The following NBPF14 variants were observed in gnomAD, a reference collection of about 807,000 sequenced individuals.
NBPF14 encodes NBPF family member NBPF14.
NBPF14 carries 104 observed loss-of-function variants against 91.2 expected under a neutral mutation model. The observed-to-expected ratio is 1.14, with a 90% CI of 0.97 to 1.34. The LOEUF is 1.34. Ranked by LOEUF, NBPF14 falls within the 40% of genes most tolerant of loss-of-function variation. The pLI is 0.00. For missense variants in NBPF14, 908 were observed against 783.0 expected (o/e 1.16, Z -1.91); for synonymous variants, 294 against 303.8 (o/e 0.97, Z 0.34).
chr1:148,566,593 A>G (rs1467732381), intron 28 of NBPF14, among the ~76,000 whole-genome samples: 1 of 142,574 alleles, frequency 7.0e-6, no homozygotes, highest in East Asian at 2.2e-4. Flanking sequence ...CAGGTGACAC[A>G]CTGATGAGGG....
rs1170223898 is a variant in NBPF14, at chr1:148,566,508, GACACAC to G, written c.3543-199_3543-194del. Among the ~76,000 whole-genome samples the G allele has an allele frequency of 2.0e-3, 243 of 122,080 alleles. 18 individuals carry two copies. Among genetic ancestry groups the G allele is most frequent in the African/African-American group, 4.3e-3 (145 of 33,510 alleles). The allele number at this position is 122,080 out of a possible 152,430, so 80.1% of individuals were successfully genotyped here. A position where few individuals can be genotyped will look rare whatever the true frequency, so the allele number is the denominator to read the frequency against. ...TGGAAAAGAATGAAAGAGAAAGACA[GACACAC>G]ACACACACACACACACACACACACA... On this transcript the variant is annotated intron_variant, in intron 28 of 70. Coordinates refer to ENST00000619423, the Ensembl canonical transcript of NBPF14.
chr1:148,557,059 GACAC>G (rs1227105845), intron 40 of NBPF14, among the ~76,000 whole-genome samples, 197 bp from the exon 41 acceptor site: 17 of 118,606 alleles, frequency 1.4e-4, no homozygotes, highest in African/African-American at 1.7e-4. Flanking sequence ...AAGACAGATA[GACAC>G]ACACACACAC....
At chr1:148,593,622 T>G in exon 3 of NBPF14, 3 of 1,547,260 alleles carry the variant, frequency 1.9e-6, no homozygotes, top group Non-Finnish European at 2.7e-6. Context: ...TTGCTTCAGC[T>G]GCTCTGCAAG....
intron 59 of NBPF14, among the ~76,000 whole-genome samples, chr1:148,542,156 A>C (rs1328101400): frequency 9.5e-6 from 1 of 104,876 alleles, no homozygotes; most frequent in Non-Finnish European, 1.7e-5. Flanking sequence ...TCTAGGAGAA[A>C]AACTGCAATA....
chr1:148,534,417 T>A (rs1231197412), intron 69 of NBPF14, among the ~76,000 whole-genome samples: 1 of 151,256 alleles, frequency 6.6e-6, no homozygotes, highest in Non-Finnish European at 1.5e-5. Context: ...TCTGAATTTG[T>A]CACATCTGCC....
rs1232784391 is a variant in NBPF14, at chr1:148,557,640, C to A, written c.4955-98G>T. The A allele has an allele frequency of 3.1e-5, 18 of 587,196 alleles. 3 individuals are homozygous for A. Among genetic ancestry groups the A allele is most frequent in the Non-Finnish European group, 5.3e-5 (18 of 339,932 alleles). 36.4% of individuals were successfully genotyped at this position (587,196 alleles called of 1,614,324 possible). A position where few individuals can be genotyped will look rare whatever the true frequency, so the allele number is the denominator to read the frequency against. On this transcript the variant is annotated intron_variant, in intron 39 of 70. Coordinates refer to ENST00000619423, the Ensembl canonical transcript of NBPF14. ...CCCCACACAGGGATCTCAGGCTCCT[C>A]AGCATGAGAACAGGACCATGTGAGA...
chr1:148,590,947 C>T, exon 6 of NBPF14: 2 of 685,468 alleles, frequency 2.9e-6, no homozygotes, highest in East Asian at 2.5e-5. Context: ...GGACTTTGCT[C>T]TCTTCAGCCT....
At chr1:148,566,546 C>T (rs1190321277) in intron 28 of NBPF14, among the ~76,000 whole-genome samples, 3 of 144,066 alleles carry the variant, frequency 2.1e-5, no homozygotes, top group Admixed American at 6.9e-5. Context: ...CACACAAACA[C>T]ACACACACAC....
rs1347571206 is a variant in NBPF14, at chr1:148,534,575, C to T, written c.8614+109G>A. The T allele has an allele frequency of 5.2e-3, 4,156 of 802,448 alleles. 38 individuals are homozygous for T. The highest frequency in any genetic ancestry group is 7.5e-3 in the Non-Finnish European group (3,378 of 447,668). 49.7% of individuals were successfully genotyped at this position (802,448 alleles called of 1,614,324 possible). A position where few individuals can be genotyped will look rare whatever the true frequency, so the allele number is the denominator to read the frequency against. ...AACCTATATGCGCCCATAGGTCCTG[C>T]CTGCGGCAATGACATCTCTCGGGTG... is the stretch of plus-strand genomic sequence containing the variant. On this transcript the variant is annotated intron_variant, in intron 69 of 70. Coordinates refer to ENST00000619423, the Ensembl canonical transcript of NBPF14.
chr1:148,586,918 T>C (rs1379158164), intron 8 of NBPF14, among the ~76,000 whole-genome samples: 12 of 143,556 alleles, frequency 8.4e-5, no homozygotes, highest in Middle Eastern at 3.4e-3. Context: ...GGAGGCAACA[T>C]TGATTGAGTG....
chr1:148,579,979 A>G (rs1660660842), intron 12 of NBPF14, among the ~76,000 whole-genome samples: 1 of 152,054 alleles, frequency 6.6e-6, no homozygotes, highest in African/African-American at 2.4e-5. Context: ...AGATAAAACC[A>G]CAAAGGTGGG....
intron 12 of NBPF14, among the ~76,000 whole-genome samples, chr1:148,579,781 G>A (rs1660619699): frequency 1.3e-5 from 2 of 152,044 alleles, no homozygotes; most frequent in East Asian, 1.9e-4. Flanking sequence ...GAGAGAATAG[G>A]CAACACCAAG....
intron 3 of NBPF14, among the ~76,000 whole-genome samples, chr1:148,593,123 T>C (rs1375446011): frequency 1.4e-5 from 2 of 147,794 alleles, no homozygotes; most frequent in Non-Finnish European, 1.5e-5. Flanking sequence ...GGCCACTACA[T>C]ACAAAGCCAC....
At chr1:148,592,629 G>C (rs1662696959) in exon 4 of NBPF14, 2 of 1,584,438 alleles carry the variant, frequency 1.3e-6, no homozygotes, top group Admixed American at 1.7e-5. Context: ...CTGCCCCTGG[G>C]ACTTGTCCGG....
At position 148,587,186 on chromosome 1, in the gene NBPF14, G is replaced by A. The variant is rs1366046284; in HGVS notation, c.1091+115C>T. On this transcript the variant is annotated intron_variant, in intron 8 of 70. Transcript: ENST00000619423. ...TATTTGTGTGTAGCGAGCCTGCCAT[G>A]GCAATTCCTGCCCTTCCCCTGGCCC... is the stretch of plus-strand genomic sequence containing the variant. 793 of 858,798 alleles carry A rather than the reference G, an allele frequency of 9.2e-4. 71 individuals carry two copies. Among genetic ancestry groups the A allele is most frequent in the Admixed American group, 1.9e-3 (102 of 53,394 alleles). 53.2% of individuals were successfully genotyped at this position (858,798 alleles called of 1,614,324 possible).
chr1:148,533,371 A>G (rs1346427654), intron 70 of NBPF14, 123 bp from the exon 71 acceptor site: 6 of 558,842 alleles, frequency 1.1e-5, no homozygotes, highest in Non-Finnish European at 1.9e-5. Context: ...ACCATTAATG[A>G]GGTAAAAAAA....
At chr1:148,586,967 C>T (rs1661643809) in intron 8 of NBPF14, among the ~76,000 whole-genome samples, 1 of 145,790 alleles carries the variant, frequency 6.9e-6, no homozygotes, top group Non-Finnish European at 1.5e-5. Flanking sequence ...AGGTGATTCT[C>T]ACTAAGGGTA....
intron 7 of NBPF14, 90 bp from the exon 8 acceptor site, chr1:148,587,493 A>G: frequency 7.9e-7 from 1 of 1,261,462 alleles, no homozygotes; most frequent in Non-Finnish European, 1.1e-6. Flanking sequence ...GTCCATCCCA[A>G]GGACAAAACT....
At position 148,539,634 on chromosome 1, in the gene NBPF14, A is replaced by C; in HGVS notation, c.7710-52T>G. The C allele has an allele frequency of 2.8e-5, 5 of 180,956 alleles. 1 individual carries two copies. Among genetic ancestry groups the C allele is most frequent in the South Asian group, 1.6e-4 (5 of 32,158 alleles). The allele number at this position is 180,956 out of a possible 1,614,324, so 11.2% of individuals were successfully genotyped here. ...TAAGCCAGGGGGAATCAGAAACCAC[A>C]CAGCCCCAGCTAGATTTCATGGCTA... On this transcript the variant is annotated intron_variant, in intron 62 of 70. Transcript: ENST00000619423.
Sources: gnomAD v4.1 joint callset for allele counts (sites outside exome capture counted in the v4.1 genomes callset) on GRCh38, gnomAD v4.1.1 for gene constraint, MANE v1.5 for transcripts, NCBI Gene and HGNC (gene_info 2026-07-23, HGNC 2026-07-21) for gene names.